The following LIMD1 variants were observed in gnomAD, a reference collection of about 807,000 sequenced individuals.
LIMD1 encodes the protein LIM domain containing 1, also known as LIM domain-containing protein 1.
Under a neutral mutation model 58.4 loss-of-function variants are expected in LIMD1, and 23 were observed. That is an observed-to-expected ratio of 0.39 (90% CI 0.28 to 0.56). LIMD1 has a LOEUF of 0.56. Ranked by LOEUF, LIMD1 falls within the 20% of genes least tolerant of loss-of-function variation. The pLI, the probability that LIMD1 is intolerant of heterozygous loss-of-function variation, is 0.57. For synonymous variants in LIMD1, 334 were observed against 345.5 expected (o/e 0.97, Z 0.37); for missense variants, 838 against 855.5 (o/e 0.98, Z 0.25).
Position 45,595,305 on chromosome 3 carries a change from G to A in LIMD1, c.426G>A (p.Arg142=), listed in dbSNP as rs756887459. 6.2e-7 allele frequency: 1 copy of A among 1,613,434 alleles called. No individual in the cohort carries two copies. The highest frequency in any genetic ancestry group is 8.5e-7 in the Non-Finnish European group (1 of 1,180,028). Residue 142 remains arginine (R), a synonymous_variant, in exon 1 of 8, where the codon AGG becomes AGA. Coordinates refer to ENST00000273317, the MANE Select transcript of LIMD1 (RefSeq NM_014240.3). Reference sequence around the variant, plus strand: ...CCAGGCCATACCTGCATGGCACGAGGCATGGCAGCCAGGACTGTGGTTCCA... The same window carrying A: ...CCAGGCCATACCTGCATGGCACGAGACATGGCAGCCAGGACTGTGGTTCCA... ...QRSRPYLHGT[R]HGSQDCGSRE...
At chr3:45,674,877 T>G (rs1575369224) in intron 7 of LIMD1, among the ~76,000 whole-genome samples, 1 of 151,948 alleles carries the variant, frequency 6.6e-6, no homozygotes. Context: ...TGAAGGCGGG[T>G]GGGGTCCGCC....
At chr3:45,618,233 A>C (rs1052024913) in intron 1 of LIMD1, among the ~76,000 whole-genome samples, 2 of 152,184 alleles carry the variant, frequency 1.3e-5, no homozygotes, top group Non-Finnish European at 2.9e-5. Context: ...AGCTGTGAGA[A>C]GGAGAGAAGC....
At chr3:45,656,666 C>T (rs1027764678) in intron 2 of LIMD1, among the ~76,000 whole-genome samples, 4 of 152,010 alleles carry the variant, frequency 2.6e-5, no homozygotes, top group African/African-American at 9.7e-5. Flanking sequence ...TACAGGCACG[C>T]ACCACCACAC....
intron 3 of LIMD1, 21 bp downstream of exon 3, chr3:45,665,738 T>C: frequency 6.2e-7 from 1 of 1,609,612 alleles, no homozygotes; most frequent in Non-Finnish European, 8.5e-7. Flanking sequence ...CACCGAAGCC[T>C]CCCCTTGCAT....
chr3:45,637,143 A>G (rs1701797109), intron 2 of LIMD1, among the ~76,000 whole-genome samples: 2 of 152,112 alleles, frequency 1.3e-5, no homozygotes, highest in South Asian at 4.1e-4. Context: ...ACCTGTGGAG[A>G]CTTTAAAACC....
chr3:45,633,099 T>C (rs1701752842), intron 1 of LIMD1, among the ~76,000 whole-genome samples: 1 of 152,206 alleles, frequency 6.6e-6, no homozygotes, highest in African/African-American at 2.4e-5. Context: ...GCCTCTGAAT[T>C]ACTTGATGCT....
At chr3:45,638,746 C>G (rs1254037061) in intron 2 of LIMD1, among the ~76,000 whole-genome samples, 2 of 152,156 alleles carry the variant, frequency 1.3e-5, no homozygotes, top group Non-Finnish European at 2.9e-5. Flanking sequence ...AGTGGCTGAA[C>G]TAATTTACAC....
intron 1 of LIMD1, among the ~76,000 whole-genome samples, chr3:45,635,447 G>C (rs752168732): frequency 6.6e-6 from 1 of 152,104 alleles, no homozygotes; most frequent in Non-Finnish European, 1.5e-5. Flanking sequence ...TGTGGGACTT[G>C]TTAGGGGGTG....
intron 1 of LIMD1, among the ~76,000 whole-genome samples, chr3:45,634,287 T>C (rs1323163596): frequency 6.6e-6 from 1 of 152,226 alleles, no homozygotes; most frequent in Non-Finnish European, 1.5e-5. Flanking sequence ...ATTGTTTACA[T>C]AATTGTGCTG....
intron 1 of LIMD1, among the ~76,000 whole-genome samples, chr3:45,628,356 C>A (rs1701687020): frequency 6.6e-6 from 1 of 152,110 alleles, no homozygotes; most frequent in South Asian, 2.1e-4. Flanking sequence ...ATTTGGGCGT[C>A]TCACTAAAGA....
At position 45,676,959 on chromosome 3, in the gene LIMD1, G is replaced by A. The variant is rs35343448; in HGVS notation, c.1931G>A (p.Arg644His). 2.4e-5 allele frequency: 39 copies of A among 1,613,958 alleles called. No individual in the cohort carries two copies. The highest frequency in any genetic ancestry group is 3.0e-5 in the Non-Finnish European group (35 of 1,179,964). The change falls in exon 8 of 8, where the codon CGC becomes CAC. Residue 644 changes from arginine to histidine, a missense_variant. Transcript: ENST00000273317. ...GAGCTCAATGATGAAGATGGCCACC[G>A]CTGTTATCCGCTGGAGGACCACCTG... ...GLELNDEDGH[R>H]CYPLEDHLFC...
At chr3:45,619,841 A>G (rs1252758524) in intron 1 of LIMD1, among the ~76,000 whole-genome samples, 1 of 48,478 alleles carries the variant, frequency 2.1e-5, no homozygotes, top group East Asian at 5.5e-4. Flanking sequence ...CCCCCCCCCA[A>G]AAAAAGCACA....
chr3:45,598,631 A>G (rs574612722), intron 1 of LIMD1, among the ~76,000 whole-genome samples: 1 of 152,350 alleles, frequency 6.6e-6, no homozygotes, highest in Non-Finnish European at 1.5e-5. Flanking sequence ...GCAGGGAGTG[A>G]ATGAAGTAAA....
In LIMD1 at chr3:45,596,206, T is replaced by G. The variant is rs1276963586; in HGVS notation, c.1327T>G (p.Ser443Ala). 6.2e-7 allele frequency: 1 copy of G among 1,613,530 alleles called. No individual in the cohort carries two copies. Among genetic ancestry groups the G allele is most frequent in the Non-Finnish European group, 8.5e-7 (1 of 1,179,872 alleles). The change falls in exon 1 of 8, where the codon TCT (serine) becomes GCT (alanine). Residue 443 changes from serine (S) to alanine (A), a missense_variant. By Grantham distance (99) the Ser-to-Ala change is moderately conservative. Transcript: ENST00000273317. The stretch of plus-strand genomic sequence containing the variant: ...CGTCCCAGGTCCTGAGCTGAGACCC[T>G]CTGCTGCTGAGTTGAAATTAGAAGC... ...PLVPGPELRP[S>A]AAELKLEALT...
At chr3:45,658,229 A>G (rs1697370341) in intron 2 of LIMD1, among the ~76,000 whole-genome samples, 1 of 152,186 alleles carries the variant, frequency 6.6e-6, no homozygotes, top group Non-Finnish European at 1.5e-5. Context: ...TGAAAAATGA[A>G]GTGTGAGTTC....
chr3:45,613,288 T>C (rs184512145), intron 1 of LIMD1, among the ~76,000 whole-genome samples: 1 of 152,374 alleles, frequency 6.6e-6, no homozygotes, highest in East Asian at 1.9e-4. Flanking sequence ...CATATATTCA[T>C]CAGTTGATGA....
chr3:45,682,680 C>G lies in LIMD1; in HGVS notation c.*5621C>G, dbSNP rs1697759346. The G allele has an allele frequency of 6.6e-6, 1 of 152,252 alleles. No homozygotes were observed. The highest frequency in any genetic ancestry group is 2.4e-5 in the African/African-American group (1 of 41,454). The allele number at this position is 152,252 out of a possible 1,614,324, so 9.4% of individuals were successfully genotyped here. A position where few individuals can be genotyped will look rare whatever the true frequency, so the allele number is the denominator to read the frequency against. ...GAAATAAACAGTAAGTACTCCATCC[C>G]AGGCCATCTCATCCAGAGGGTGCTG... On this transcript the variant is annotated 3_prime_UTR_variant, in exon 8 of 8. Transcript: ENST00000273317.
At chr3:45,662,774 A>T (rs1697460654) in intron 2 of LIMD1, among the ~76,000 whole-genome samples, 1 of 152,286 alleles carries the variant, frequency 6.6e-6, no homozygotes, top group East Asian at 1.9e-4. Context: ...AGGTGGGTGG[A>T]TCACCTGAGG....
intron 2 of LIMD1, among the ~76,000 whole-genome samples, chr3:45,652,719 C>T (rs1367107564): frequency 2.6e-5 from 4 of 152,194 alleles, no homozygotes; most frequent in Non-Finnish European, 4.4e-5. Context: ...AGGCACTGTT[C>T]TTGCGAATCC....
Sources: gnomAD v4.1 joint callset for allele counts (sites outside exome capture counted in the v4.1 genomes callset) on GRCh38, gnomAD v4.1.1 for gene constraint, MANE v1.5 for transcripts, NCBI Gene and HGNC (gene_info 2026-07-23, HGNC 2026-07-21) for gene names.